LRFN1: variants seen among roughly 807,000 people sequenced by gnomAD.
LRFN1 encodes the protein leucine rich repeat and fibronectin type III domain containing 1, also known as leucine-rich repeat and fibronectin type III domain-containing protein 1.
In LRFN1, 20 loss-of-function variants were observed where a neutral mutation model predicts 31.8. The ratio of observed to expected loss-of-function variants is 0.63; its 90% CI spans 0.44 to 0.91. The LOEUF (loss-of-function observed/expected upper bound fraction) is 0.91. LRFN1 is among the 40% of genes least tolerant of loss of function. LRFN1 has a pLI of 0.00. For synonymous variants in LRFN1, 514 were observed against 541.3 expected, an observed-to-expected ratio of 0.95 and a Z score of 0.70; for missense variants, 912 against 1,129.8, an observed-to-expected ratio of 0.81 and a Z score of 2.76.
chr19:39,320,200 C>A (rs967535721), intron 1 of LRFN1, among the ~76,000 whole-genome samples: 1 of 151,490 alleles, frequency 6.6e-6, no homozygotes, highest in Non-Finnish European at 1.5e-5. Flanking sequence ...GGCGAACTCC[C>A]CTCCCCCAAA....
rs1441031539 is a variant in LRFN1, at chr19:39,306,754, C to CACACACAA, written c.*878_*879insTTGTGTGT. ...CAACACACACACACACACACACACA[C>CACACACAA]ACACACACACACACACACTACACGC... On this transcript the variant is annotated 3_prime_UTR_variant, in exon 5 of 5. Coordinates refer to ENST00000248668, the MANE Select transcript of LRFN1 (RefSeq NM_020862.2). The CACACACAA allele has an allele frequency of 6.5e-6, 1 of 153,684 alleles. No homozygotes were observed. The highest frequency in any genetic ancestry group is 2.4e-5 in the African/African-American group (1 of 41,292). 9.5% of individuals were successfully genotyped at this position (153,684 alleles called of 1,614,324 possible).
chr19:39,309,347 G>A (rs892897746), intron 4 of LRFN1, among the ~76,000 whole-genome samples: 1 of 151,758 alleles, frequency 6.6e-6, no homozygotes, highest in South Asian at 2.1e-4. Flanking sequence ...CTAGCTACTC[G>A]GGAGGCTGAG....
At chr19:39,317,948 C>T (rs2075176849) in intron 2 of LRFN1, among the ~76,000 whole-genome samples, 1 of 152,190 alleles carries the variant, frequency 6.6e-6, no homozygotes, top group African/African-American at 2.4e-5. Context: ...AATGGGCAAA[C>T]ATATTCACTC....
intron 4 of LRFN1, among the ~76,000 whole-genome samples, chr19:39,311,809 C>T (rs1215169491): frequency 6.7e-6 from 1 of 150,094 alleles, no homozygotes; most frequent in African/African-American, 2.5e-5. Flanking sequence ...GGCATCTACT[C>T]AGTGTTTGGG....
chr19:39,313,187 T>C (rs1489870619), intron 4 of LRFN1, among the ~76,000 whole-genome samples: 1 of 152,240 alleles, frequency 6.6e-6, no homozygotes, highest in Non-Finnish European at 1.5e-5. Flanking sequence ...GTTTCTGTAA[T>C]GTACCCAATG....
rs1600484332 is a variant in LRFN1, at chr19:39,314,407, C to G, written c.930G>C (p.Leu310=). Residue 310 remains leucine, a synonymous_variant, in exon 4 of 5, where the codon CTG becomes CTC. Coordinates refer to ENST00000248668, the MANE Select transcript of LRFN1 (RefSeq NM_020862.2). ...GGCTCACCGCCTGGCCTTCCACCAC[C>G]AGGGCCCGGCCCCCCGCCTGCCGTG... ...LITRQAGGRA[L]VVEGQAVSLR... 1 of 1,602,072 alleles carries G rather than the reference C, an allele frequency of 6.2e-7. No homozygotes were observed. The highest frequency in any genetic ancestry group is 1.3e-5 in the African/African-American group (1 of 74,740).
intron 4 of LRFN1, among the ~76,000 whole-genome samples, chr19:39,312,113 G>A (rs888493391): frequency 3.4e-4 from 52 of 151,966 alleles, no homozygotes; most frequent in Non-Finnish European, 5.0e-4. Flanking sequence ...CAAGTGATCC[G>A]CCCGCCTCAG....
Position 39,314,973 on chromosome 19 carries a change from T to C in LRFN1, c.364A>G (p.Ser122Gly), listed in dbSNP as rs1204593006. The C allele has an allele frequency of 6.3e-7, 1 of 1,593,170 alleles. No homozygotes were observed. The highest frequency in any genetic ancestry group is 8.5e-7 in the Non-Finnish European group (1 of 1,174,880). ...CCGCGCACCTCCGCCAGGCGGTTGCTGTCCAGGTGCAGGGCCCGGAGGGCA... is the reference window on the plus strand; with the variant it reads ...CCGCGCACCTCCGCCAGGCGGTTGCCGTCCAGGTGCAGGGCCCGGAGGGCA... ...LRALRALHLDSNRLAEVRGDQ... is the reference protein window; with the variant it reads ...LRALRALHLDGNRLAEVRGDQ... The change falls in exon 4 of 5, where the codon AGC (serine) becomes GGC (glycine). Residue 122 changes from serine (S) to glycine (G), a missense_variant. Ser to Gly is a moderately conservative substitution (Grantham distance 56, BLOSUM62 0). Transcript: ENST00000248668.
At chr19:39,319,644 G>A (rs990727120) in intron 1 of LRFN1, among the ~76,000 whole-genome samples, 2 of 152,120 alleles carry the variant, frequency 1.3e-5, no homozygotes, top group Non-Finnish European at 2.9e-5. Flanking sequence ...TCAGTAGACA[G>A]GCCCAGATTC....
chr19:39,307,507 G>T lies in LRFN1; in HGVS notation c.*126C>A, dbSNP rs1373890888. On this transcript the variant is annotated 3_prime_UTR_variant, in exon 5 of 5. Coordinates refer to ENST00000248668, the MANE Select transcript of LRFN1 (RefSeq NM_020862.2). This position sits in a 1 kb window ranked among gnomAD's most constrained non-coding sequence, Gnocchi z 6.7. ...CGAGGCTGCCCCGCCCCCTCCCGGGGACAAGGGCGCGTCTCCACTCTGGTC... is the reference window on the plus strand; with the variant it reads ...CGAGGCTGCCCCGCCCCCTCCCGGGTACAAGGGCGCGTCTCCACTCTGGTC... The T allele has an allele frequency of 1.8e-6, 2 of 1,103,028 alleles. No individual in the cohort carries two copies. The highest frequency in any genetic ancestry group is 1.6e-5 in the African/African-American group (1 of 61,112). The allele number at this position is 1,103,028 out of a possible 1,614,324, so 68.3% of individuals were successfully genotyped here.
chr19:39,307,969 C>T lies in LRFN1; in HGVS notation c.1980G>A (p.Gly660=), dbSNP rs746252419. 78 of 1,579,932 alleles carry T rather than the reference C, an allele frequency of 4.9e-5. No homozygotes were observed. The African/African-American group carries it at 9.8e-4, about 20-fold the overall frequency. Reference sequence around the variant, plus strand: ...GGCCCACCGCGGCCCGAGACTCCTCCCCGGAAGTTTCCTCGGATGGCAGCA... The same window carrying T: ...GGCCCACCGCGGCCCGAGACTCCTCTCCGGAAGTTTCCTCGGATGGCAGCA... ...LCLLPSEETS[G]EESRAAVGPR... The change falls in exon 5 of 5, where the codon GGG becomes GGA. Residue 660 remains glycine (G), a synonymous_variant. Transcript: ENST00000248668. This position sits in a 1 kb window ranked among gnomAD's most constrained non-coding sequence, Gnocchi z 6.7.
Position 39,307,007 on chromosome 19 carries a change from G to C in LRFN1, c.*626C>G, listed in dbSNP as rs2145025674. 3.5e-6 allele frequency: 1 copy of C among 287,880 alleles called. No homozygotes were observed. Among genetic ancestry groups the C allele is most frequent in the African/African-American group, 2.2e-5 (1 of 45,926 alleles). The allele number at this position is 287,880 out of a possible 1,614,324, so 17.8% of individuals were successfully genotyped here. A position where few individuals can be genotyped will look rare whatever the true frequency, so the allele number is the denominator to read the frequency against. On this transcript the variant is annotated 3_prime_UTR_variant, in exon 5 of 5. Coordinates refer to ENST00000248668, the MANE Select transcript of LRFN1 (RefSeq NM_020862.2). The surrounding 1 kb of genome is among the most constrained non-coding windows in gnomAD (Gnocchi z 6.7). ...AGACAGGGAGACTAGACAAAACCAG[G>C]GAGGGCCGAGGGACAAGAGACGACA...
intron 4 of LRFN1, among the ~76,000 whole-genome samples, chr19:39,312,228 A>G (rs1231540570): frequency 6.6e-6 from 1 of 151,812 alleles, no homozygotes; most frequent in Admixed American, 6.6e-5. Context: ...TGCCACACCT[A>G]TGGCCAAGAA....
In LRFN1 at chr19:39,307,365, G is replaced by C; in HGVS notation, c.*268C>G. The C allele has an allele frequency of 4.9e-6, 2 of 405,616 alleles. No individual in the cohort carries two copies. 25.1% of individuals were successfully genotyped at this position (405,616 alleles called of 1,614,324 possible). A position where few individuals can be genotyped will look rare whatever the true frequency, so the allele number is the denominator to read the frequency against. On this transcript the variant is annotated 3_prime_UTR_variant, in exon 5 of 5. Coordinates refer to ENST00000248668, the MANE Select transcript of LRFN1 (RefSeq NM_020862.2). This position sits in a 1 kb window ranked among gnomAD's most constrained non-coding sequence, Gnocchi z 6.7. ...TAAGGCACCGGCTCCAGCGAGGTCC[G>C]CGAGCGCGCGAGGGGAGGGGTAGGA...
rs1268044045 is a variant in LRFN1 at position 39,315,386 on chromosome 19, G to A, written c.-37-13C>T. ...TGGGAGGTGAGACCTGCCGGGGAAG[G>A]AGCCGGTTACCCAGGCGTGGGACTT... On this transcript the variant is annotated splice_polypyrimidine_tract_variant and intron_variant, in intron 3 of 4. Coordinates refer to ENST00000248668, the MANE Select transcript of LRFN1 (RefSeq NM_020862.2). The surrounding 1 kb of genome is among the most constrained non-coding windows in gnomAD (Gnocchi z 4.7). The A allele has an allele frequency of 7.1e-7, 1 of 1,418,258 alleles. No homozygotes were observed. The highest frequency in any genetic ancestry group is 2.8e-5 in the Admixed American group (1 of 35,104). 87.9% of individuals were successfully genotyped at this position (1,418,258 alleles called of 1,614,324 possible). A position where few individuals can be genotyped will look rare whatever the true frequency, so the allele number is the denominator to read the frequency against.
intron 2 of LRFN1, 117 bp downstream of exon 2, chr19:39,318,209 T>G (rs2075177616): frequency 6.6e-6 from 1 of 152,436 alleles, no homozygotes; most frequent in Admixed American, 6.5e-5. Context: ...TTCAGGAAAC[T>G]GTCATCCCCT....
chr19:39,308,582 C>T lies in LRFN1; in HGVS notation c.1407-40G>A. 1.3e-6 allele frequency: 2 copies of T among 1,516,406 alleles called. No homozygotes were observed. The highest frequency in any genetic ancestry group is 1.8e-6 in the Non-Finnish European group (2 of 1,134,976). 93.9% of individuals were successfully genotyped at this position (1,516,406 alleles called of 1,614,324 possible). On this transcript the variant is annotated intron_variant, in intron 4 of 4. Coordinates refer to ENST00000248668, the MANE Select transcript of LRFN1 (RefSeq NM_020862.2). This position sits in a 1 kb window ranked among gnomAD's most constrained non-coding sequence, Gnocchi z 6.2. ...GGGTTCAGGGCGGGGTTAGTCCCCCCGAACCACGCCCCTTCGCTTTATGCC... is the reference window on the plus strand; with the variant it reads ...GGGTTCAGGGCGGGGTTAGTCCCCCTGAACCACGCCCCTTCGCTTTATGCC...
At position 39,308,429 on chromosome 19, in the gene LRFN1, G is replaced by T. The variant is rs2075138409; in HGVS notation, c.1520C>A (p.Thr507Lys). The change falls in exon 5 of 5, where the codon ACG becomes AAG. Residue 507 changes from threonine (T) to lysine (K), a missense_variant. Transcript: ENST00000248668. The surrounding 1 kb of genome is among the most constrained non-coding windows in gnomAD (Gnocchi z 6.2). ...GAACTGTACACAGCCCACCACTCGCGTTGCCGGCAGCGCTGTGGCCCCGTC... is the reference window on the plus strand; with the variant it reads ...GAACTGTACACAGCCCACCACTCGCTTTGCCGGCAGCGCTGTGGCCCCGTC... ...YDDGATALPA[T>K]RVVGCVQFTT... 1.2e-6 allele frequency: 2 copies of T among 1,610,978 alleles called. No individual in the cohort carries two copies. The highest frequency in any genetic ancestry group is 1.7e-6 in the Non-Finnish European group (2 of 1,179,476).
In LRFN1 at chr19:39,314,831, A is replaced by C; in HGVS notation, c.506T>G (p.Leu169Arg). ...AFLSTVEDLD[L>R]SYNNLEALPW... ...CAGGGCCTCCAGGTTGTTGTAGGAC[A>C]GATCCAGGTCCTCCACGGTGGACAG... Residue 169 changes from leucine (L) to arginine (R), a missense_variant, in exon 4 of 5, where the codon CTG becomes CGG. Leu to Arg is a moderately radical substitution (Grantham distance 102). Transcript: ENST00000248668. The C allele has an allele frequency of 6.2e-7, 1 of 1,612,716 alleles. No homozygotes were observed. Among genetic ancestry groups the C allele is most frequent in the Non-Finnish European group, 8.5e-7 (1 of 1,179,402 alleles).
Sources: allele counts gnomAD v4.1 joint callset (sites outside exome capture counted in the v4.1 genomes callset), GRCh38; gene constraint gnomAD v4.1.1; non-coding constraint Gnocchi (gnomAD v3.1); transcripts MANE v1.5; gene names NCBI Gene and HGNC (gene_info 2026-07-23, HGNC 2026-07-21).